ZHX2: variants seen among roughly 807,000 people sequenced by gnomAD.
The protein encoded by ZHX2 is zinc fingers and homeoboxes 2, also known as zinc fingers and homeoboxes protein 2.
In ZHX2, 6 loss-of-function variants were observed where a neutral mutation model predicts 21.9. The observed-to-expected ratio is 0.27, with a 90% CI of 0.15 to 0.54. The LOEUF is 0.54. ZHX2 is among the 20% of genes least tolerant of loss of function. ZHX2 has a pLI of 0.95. For synonymous variants in ZHX2, 434 were observed against 437.1 expected (o/e 0.99, Z 0.09); for missense variants, 908 against 1,090.7 (o/e 0.83, Z 2.36).
intron 2 of ZHX2, among the ~76,000 whole-genome samples, chr8:122,913,162 G>A (rs1207243797): frequency 6.6e-6 from 1 of 152,208 alleles, no homozygotes; most frequent in Non-Finnish European, 1.5e-5. Flanking sequence ...ACTTAGCGTA[G>A]TGGTTTTAAG....
intron 2 of ZHX2, among the ~76,000 whole-genome samples, chr8:122,948,162 G>A (rs889342948): frequency 2.0e-5 from 3 of 152,074 alleles, no homozygotes; most frequent in Non-Finnish European, 2.9e-5. Flanking sequence ...GTGGGCGTGG[G>A]CCTAGACTCT....
At chr8:122,823,708 A>AG (rs1454737083) in intron 1 of ZHX2, among the ~76,000 whole-genome samples, 2 of 152,192 alleles carry the variant, frequency 1.3e-5, no homozygotes, top group Non-Finnish European at 2.9e-5. Flanking sequence ...GGAAATGCAT[A>AG]CTGATCTAAT....
chr8:122,874,830 A>G (rs954510132), intron 2 of ZHX2, among the ~76,000 whole-genome samples: 2 of 152,040 alleles, frequency 1.3e-5, no homozygotes, highest in East Asian at 3.9e-4. Context: ...TTCAGAATAG[A>G]AGAAAATGGA....
chr8:122,883,188 T>C (rs1360062965), intron 2 of ZHX2, among the ~76,000 whole-genome samples: 1 of 152,164 alleles, frequency 6.6e-6, no homozygotes, highest in East Asian at 1.9e-4. Flanking sequence ...CTTTCTCTTG[T>C]TCTTCAGATA....
intron 1 of ZHX2, among the ~76,000 whole-genome samples, chr8:122,811,608 A>T (rs113348720): frequency 6.6e-6 from 1 of 152,200 alleles, no homozygotes; most frequent in East Asian, 1.9e-4. Flanking sequence ...AGAAAGAGAA[A>T]TCCCATCTGT....
chr8:122,789,029 G>C (rs775822218), intron 1 of ZHX2, among the ~76,000 whole-genome samples: 3 of 152,208 alleles, frequency 2.0e-5, no homozygotes, highest in Non-Finnish European at 4.4e-5. Flanking sequence ...CGGATCTGGA[G>C]AGAAGGAATC....
chr8:122,933,376 A>C (rs1039459071), intron 2 of ZHX2, among the ~76,000 whole-genome samples: 6 of 149,168 alleles, frequency 4.0e-5, no homozygotes, highest in Non-Finnish European at 7.4e-5. Flanking sequence ...ATAGTGCCTT[A>C]TTTATTTATG....
chr8:122,827,328 A>C (rs1231159900), intron 1 of ZHX2, among the ~76,000 whole-genome samples: 1 of 152,154 alleles, frequency 6.6e-6, no homozygotes, highest in Non-Finnish European at 1.5e-5. Flanking sequence ...GTAAGCCACC[A>C]CACCCAGCCT....
chr8:122,794,019 C>T (rs1245011068), intron 1 of ZHX2, among the ~76,000 whole-genome samples: 1 of 152,196 alleles, frequency 6.6e-6, no homozygotes, highest in Non-Finnish European at 1.5e-5. Flanking sequence ...GGGTTGGTGC[C>T]ATGATGAGTC....
intron 3 of ZHX2, among the ~76,000 whole-genome samples, chr8:122,966,004 T>A (rs1447784420): frequency 3.3e-5 from 5 of 152,358 alleles, no homozygotes; most frequent in South Asian, 4.1e-4. Context: ...GCATGGAATA[T>A]CTTTTTCCAC....
intron 2 of ZHX2, among the ~76,000 whole-genome samples, chr8:122,930,327 T>C (rs1820953891): frequency 6.6e-6 from 1 of 152,198 alleles, no homozygotes; most frequent in African/African-American, 2.4e-5. Context: ...GGTGACTTTC[T>C]ACAAAAAAGC....
At chr8:122,972,215 T>C (rs1813742219) in intron 3 of ZHX2, among the ~76,000 whole-genome samples, 1 of 152,198 alleles carries the variant, frequency 6.6e-6, no homozygotes. Context: ...TCATTCTCAC[T>C]TGATTTAACT....
At chr8:122,842,769 G>A (rs1398441859) in intron 1 of ZHX2, among the ~76,000 whole-genome samples, 2 of 152,146 alleles carry the variant, frequency 1.3e-5, no homozygotes, top group Non-Finnish European at 2.9e-5. Context: ...AAATCCCTGA[G>A]AGTCAAGGCC....
intron 2 of ZHX2, among the ~76,000 whole-genome samples, chr8:122,928,712 ACAGAGCATGGATT>A (rs939045116): frequency 1.3e-5 from 2 of 152,166 alleles, no homozygotes; most frequent in African/African-American, 4.8e-5. Context: ...ACAAATGACA[ACAGAGCATGGATT>A]CAGATTATAG....
intron 3 of ZHX2, among the ~76,000 whole-genome samples, chr8:122,963,613 T>C (rs1813511338): frequency 6.6e-6 from 1 of 152,190 alleles, no homozygotes; most frequent in Admixed American, 6.5e-5. Context: ...CGGGCTCTTT[T>C]TTGGTTTCAT....
chr8:122,852,857 A>G (rs564119641), intron 1 of ZHX2, among the ~76,000 whole-genome samples: 2 of 152,246 alleles, frequency 1.3e-5, no homozygotes, highest in East Asian at 3.9e-4. Flanking sequence ...TTTGTAAAAA[A>G]TAAGAGCCCC....
intron 2 of ZHX2, among the ~76,000 whole-genome samples, chr8:122,940,260 C>G (rs1812808746): frequency 6.6e-6 from 1 of 152,216 alleles, no homozygotes; most frequent in Admixed American, 6.5e-5. Flanking sequence ...TGATGGAGAA[C>G]AAGGCCCCTG....
At chr8:122,816,349 A>G (rs1818034313) in intron 1 of ZHX2, 1 of 152,134 alleles carries the variant, frequency 6.6e-6, no homozygotes, top group Non-Finnish European at 1.5e-5. Flanking sequence ...CATGTGACTC[A>G]CTTTATTGTG....
chr8:122,939,303 C>T (rs1812783554), intron 2 of ZHX2, among the ~76,000 whole-genome samples: 1 of 152,224 alleles, frequency 6.6e-6, no homozygotes, highest in Admixed American at 6.5e-5. Flanking sequence ...AGGCACGTCT[C>T]CCACTCAGGA....
Sources: gnomAD v4.1 joint callset for allele counts (sites outside exome capture counted in the v4.1 genomes callset) on GRCh38, gnomAD v4.1.1 for gene constraint, MANE v1.5 for transcripts, NCBI Gene and HGNC (gene_info 2026-07-23, HGNC 2026-07-21) for gene names.